The following MYO9B variants were observed in gnomAD, a reference collection of about 807,000 sequenced individuals.
MYO9B encodes myosin IXB.
In MYO9B, 71 loss-of-function variants were observed where a neutral mutation model predicts 229.5. That is an observed-to-expected ratio of 0.31 (90% CI 0.26 to 0.38). The LOEUF (loss-of-function observed/expected upper bound fraction) is 0.38, where lower values mean the gene tolerates loss of function less well. Ranked by LOEUF, MYO9B falls within the 10% of genes least tolerant of loss-of-function variation. The pLI, the probability that MYO9B is intolerant of heterozygous loss-of-function variation, is 1.00. For missense variants in MYO9B, 2,255 were observed against 2,920.5 expected (o/e 0.77, Z 5.25); for synonymous variants, 1,185 against 1,235.8 (o/e 0.96, Z 0.86).
intron 2 of MYO9B, among the ~76,000 whole-genome samples, chr19:17,126,643 A>G (rs1448253058): frequency 1.3e-5 from 2 of 151,806 alleles, no homozygotes; most frequent in Non-Finnish European, 2.9e-5. Flanking sequence ...TCAGCCATCA[A>G]GAGATCTTTT....
intron 2 of MYO9B, among the ~76,000 whole-genome samples, chr19:17,136,178 A>G (rs2072267219): frequency 1.3e-5 from 2 of 152,134 alleles, no homozygotes; most frequent in African/African-American, 4.8e-5. Context: ...GTGGGACCAC[A>G]TAGGTGAGGC....
At chr19:17,183,486 G>T (rs772596634) in intron 15 of MYO9B, among the ~76,000 whole-genome samples, 1 of 152,148 alleles carries the variant, frequency 6.6e-6, no homozygotes, top group African/African-American at 2.4e-5. Flanking sequence ...AGCAAGCCCC[G>T]CTGGATGCAC....
At chr19:17,188,080 T>G in intron 19 of MYO9B, 35 bp downstream of exon 19, 1 of 1,525,196 alleles carries the variant, frequency 6.6e-7, no homozygotes, top group Non-Finnish European at 8.9e-7. Flanking sequence ...GACACACCTG[T>G]TCCGTGGCAA....
chr19:17,204,513 C>A (rs556775160), intron 30 of MYO9B, among the ~76,000 whole-genome samples: 72 of 151,954 alleles, frequency 4.7e-4, no homozygotes, highest in African/African-American at 1.7e-3. Context: ...AGCCTCCTCT[C>A]TCAGGAGTCA....
At chr19:17,135,551 G>A (rs1408315456) in intron 2 of MYO9B, among the ~76,000 whole-genome samples, 2 of 152,176 alleles carry the variant, frequency 1.3e-5, no homozygotes, top group Non-Finnish European at 2.9e-5. Context: ...CGCTGCGAGC[G>A]CTGGGCCGCA....
intron 13 of MYO9B, among the ~76,000 whole-genome samples, chr19:17,174,390 C>A (rs1216592226): frequency 6.6e-6 from 1 of 152,034 alleles, no homozygotes; most frequent in Non-Finnish European, 1.5e-5. Context: ...GAAATCCCAG[C>A]ACTTTGGGAG....
chr19:17,111,681 C>T (rs1488043170), intron 2 of MYO9B, among the ~76,000 whole-genome samples: 1 of 152,132 alleles, frequency 6.6e-6, no homozygotes, highest in Non-Finnish European at 1.5e-5. Context: ...AATTCAGTGG[C>T]ATTTAGTACA....
At chr19:17,134,356 CTT>C (rs1265852719) in intron 2 of MYO9B, among the ~76,000 whole-genome samples, 2 of 64,602 alleles carry the variant, frequency 3.1e-5, no homozygotes, top group Non-Finnish European at 6.5e-5. Context: ...GACAGGATCT[CTT>C]TGTTTTTTTT....
chr19:17,078,538 A>C (rs2057506896), intron 1 of MYO9B, among the ~76,000 whole-genome samples: 1 of 152,134 alleles, frequency 6.6e-6, no homozygotes, highest in Non-Finnish European at 1.5e-5. Flanking sequence ...AGATGCCCTC[A>C]AAAATAATAA....
In MYO9B at chr19:17,172,756, C is replaced by G. The variant is rs376411815; in HGVS notation, c.1936-3C>G. 1 of 1,613,378 alleles carries G rather than the reference C, an allele frequency of 6.2e-7. No homozygotes were observed. Among genetic ancestry groups the G allele is most frequent in the Admixed American group, 1.7e-5 (1 of 60,018 alleles). ...GTGACCGCCCACATCCATCCCCCAC[C>G]AGGACTTCCGGGAGAAGAACATGGA... On this transcript the variant is annotated splice_polypyrimidine_tract_variant and splice_region_variant and intron_variant, in intron 12 of 39. Coordinates refer to ENST00000682292, the MANE Select transcript of MYO9B (RefSeq NM_004145.4). This position sits in a 1 kb window ranked among gnomAD's most constrained non-coding sequence, Gnocchi z 8.2.
chr19:17,149,227 C>G (rs963318594), intron 3 of MYO9B, among the ~76,000 whole-genome samples: 16 of 152,178 alleles, frequency 1.1e-4, no homozygotes, highest in Non-Finnish European at 2.4e-4. Flanking sequence ...ATCCTTCCAC[C>G]TTGGCCCCCC....
intron 2 of MYO9B, among the ~76,000 whole-genome samples, chr19:17,112,158 G>T (rs2057853295): frequency 6.6e-6 from 1 of 152,154 alleles, no homozygotes; most frequent in Admixed American, 6.5e-5. Context: ...GTTGGGGAGT[G>T]GGGGGATTGA....
Position 17,194,894 on chromosome 19 carries a change from T to C in MYO9B, c.3467T>C (p.Leu1156Pro), listed in dbSNP as rs766466094. Reference protein sequence around the residue: ...EKRESRRQRGLEHVKFQNKHI... With the variant: ...EKRESRRQRGPEHVKFQNKHI... ...CGTGAGTCGCGTCGGCAAAGAGGGCTGGAGCACGTCAAGTTCCAGAACAAA... is the reference window on the plus strand; with the variant it reads ...CGTGAGTCGCGTCGGCAAAGAGGGCCGGAGCACGTCAAGTTCCAGAACAAA... Residue 1156 changes from leucine to proline, a missense_variant, in exon 22 of 40, where the codon CTG becomes CCG. Leu to Pro is a moderately conservative substitution (Grantham distance 98). Transcript: ENST00000682292. 1.2e-6 allele frequency: 2 copies of C among 1,613,336 alleles called. No individual in the cohort carries two copies. Among genetic ancestry groups the C allele is most frequent in the South Asian group, 1.1e-5 (1 of 91,082 alleles).
chr19:17,168,683 G>A (rs1599386697), intron 11 of MYO9B, among the ~76,000 whole-genome samples: 2 of 152,366 alleles, frequency 1.3e-5, no homozygotes, highest in Middle Eastern at 6.8e-3. Flanking sequence ...TGTGGCCCCA[G>A]CTACTCAGGA....
chr19:17,120,919 G>C (rs2057957336), intron 2 of MYO9B, among the ~76,000 whole-genome samples: 1 of 152,180 alleles, frequency 6.6e-6, no homozygotes, highest in African/African-American at 2.4e-5. Context: ...TTACAGGCAT[G>C]AGCCCTCATA....
At chr19:17,164,999 A>C (rs535207046) in intron 10 of MYO9B, among the ~76,000 whole-genome samples, 8 of 152,184 alleles carry the variant, frequency 5.3e-5, no homozygotes, top group African/African-American at 1.9e-4. Flanking sequence ...TGAGTAGCTG[A>C]GACTGTAGTT....
At chr19:17,135,719 G>A (rs942859981) in intron 2 of MYO9B, among the ~76,000 whole-genome samples, 2 of 152,128 alleles carry the variant, frequency 1.3e-5, no homozygotes, top group African/African-American at 2.4e-5. Context: ...TCGGGTAATC[G>A]CAGAACCAGA....
chr19:17,204,505 C>G (rs2145502430), intron 30 of MYO9B, among the ~76,000 whole-genome samples: 1 of 151,886 alleles, frequency 6.6e-6, no homozygotes, highest in Middle Eastern at 3.4e-3. Flanking sequence ...GTCCACACAG[C>G]CTCCTCTCTC....
At position 17,207,264 on chromosome 19, in the gene MYO9B, C is replaced by A; in HGVS notation, c.5624+20C>A. The A allele has an allele frequency of 1.3e-6, 2 of 1,586,048 alleles. No homozygotes were observed. Among genetic ancestry groups the A allele is most frequent in the East Asian group, 2.3e-5 (1 of 43,396 alleles). ...CACCACGTGAGTGCCCACCCTGCCCCGGAGGCATGCTCAGGGCAGCCCCAC... is the reference window on the plus strand; with the variant it reads ...CACCACGTGAGTGCCCACCCTGCCCAGGAGGCATGCTCAGGGCAGCCCCAC... On this transcript the variant is annotated intron_variant, in intron 35 of 39. Coordinates refer to ENST00000682292, the MANE Select transcript of MYO9B (RefSeq NM_004145.4).
Sources: gnomAD v4.1 joint callset for allele counts (sites outside exome capture counted in the v4.1 genomes callset) on GRCh38, gnomAD v4.1.1 for gene constraint, Gnocchi (gnomAD v3.1) non-coding constraint, MANE v1.5 for transcripts, NCBI Gene and HGNC (gene_info 2026-07-23, HGNC 2026-07-21) for gene names.